The following DCAF4 variants were observed in gnomAD, a reference collection of about 807,000 sequenced individuals.
The protein encoded by DCAF4 is DDB1 and CUL4 associated factor 4.
Under a neutral mutation model 60.9 loss-of-function variants are expected in DCAF4, and 37 were observed. The observed-to-expected ratio is 0.61, with a 90% CI of 0.47 to 0.80. The LOEUF is 0.80. Among genes scored for constraint, DCAF4 ranks in the 30% least tolerant of loss-of-function variants. The probability of loss-of-function intolerance (pLI) is 0.00; values close to 1 mark genes in which losing one functional copy is unlikely to be tolerated. For missense variants in DCAF4, 577 were observed against 650.0 expected (o/e 0.89, Z 1.22); for synonymous variants, 243 against 254.8 (o/e 0.95, Z 0.44).
intron 11 of DCAF4, among the ~76,000 whole-genome samples, chr14:72,955,253 C>T (rs1016791863): frequency 4.6e-5 from 7 of 151,984 alleles, no homozygotes; most frequent in African/African-American, 1.7e-4. Context: ...GAGAGAAAGG[C>T]CAAACGGGAC....
chr14:72,932,448 T>C (rs1434461458), intron 1 of DCAF4, among the ~76,000 whole-genome samples: 1 of 152,254 alleles, frequency 6.6e-6, no homozygotes, highest in Non-Finnish European at 1.5e-5. Flanking sequence ...AGTTACTTGA[T>C]AAATATTTTC....
At chr14:72,960,660 A>G, downstream of DCAF4, 1 of 1,065,104 alleles carries the variant, frequency 9.4e-7, no homozygotes, top group Non-Finnish European at 1.2e-6. Flanking sequence ...TCTTCAGGAA[A>G]GGACAGAGAT....
chr14:72,956,775 C>G, intron 13 of DCAF4: 1 of 391,078 alleles, frequency 2.6e-6, no homozygotes. Context: ...CCTGGGGAGC[C>G]TGGGTTTGGA....
At chr14:72,946,191 G>A (rs1262024683) in intron 7 of DCAF4, among the ~76,000 whole-genome samples, 164 bp downstream of exon 7, 1 of 150,892 alleles carries the variant, frequency 6.6e-6, no homozygotes, top group Non-Finnish European at 1.5e-5. Flanking sequence ...AGACCAACCT[G>A]GGCAGCATAA....
intron 8 of DCAF4, among the ~76,000 whole-genome samples, chr14:72,947,532 C>T (rs115326200): frequency 8.1e-4 from 124 of 152,304 alleles, no homozygotes; most frequent in African/African-American, 2.9e-3. Context: ...GCCACTGTGG[C>T]GTGTGACGGG....
At chr14:72,936,758 G>C (rs1424523920) in intron 1 of DCAF4, among the ~76,000 whole-genome samples, 1 of 152,166 alleles carries the variant, frequency 6.6e-6, no homozygotes, top group Non-Finnish European at 1.5e-5. Context: ...CGATATTAGG[G>C]TTGGAGCTGC....
At chr14:72,941,699 CAAAT>C (rs770022420) in intron 4 of DCAF4, 42 bp from the exon 5 acceptor site, 3 of 1,572,486 alleles carry the variant, frequency 1.9e-6, no homozygotes, top group South Asian at 1.1e-5. Flanking sequence ...CATCCCCTAA[CAAAT>C]AAATCTTCAT....
chr14:72,947,176 T>TG lies in DCAF4; in HGVS notation c.715dup (p.Asp239GlyfsTer29). The TG allele has an allele frequency of 1.2e-6, 2 of 1,614,100 alleles. No homozygotes were observed. On this transcript the variant is annotated frameshift_variant, in exon 8 of 14. Coordinates refer to ENST00000358377, the MANE Select transcript of DCAF4 (RefSeq NM_015604.4). LOFTEE classifies it high-confidence loss of function. ...GTGTGCTGGGCCTCGCTGAATCACT[T>TG]GGATTCCCACATTCTGTATCCTTTG...
rs75711974 is a variant in DCAF4, at chr14:72,929,216, G to T, written c.-9+2673G>T. ...AAGCAGGAAAGAGCCTGTAATTCCG[G>T]AAGCTGCGGGCTCCCAAACCAGACA... On this transcript the variant is annotated intron_variant, in intron 1 of 13. Transcript: ENST00000358377. 7.2e-3 allele frequency among the ~76,000 whole-genome samples: 1,094 copies of T among 152,306 alleles called. 17 individuals are homozygous for T. The highest frequency in any genetic ancestry group is 0.025 in the African/African-American group (1,049 of 41,566).
intron 13 of DCAF4, chr14:72,957,334 T>C (rs1475287957): frequency 1.3e-5 from 2 of 152,234 alleles, no homozygotes; most frequent in Non-Finnish European, 2.9e-5. Flanking sequence ...TACCAGTTGA[T>C]TACAGATGAT....
chr14:72,931,247 C>T lies in DCAF4; in HGVS notation c.-9+4704C>T, dbSNP rs1369116089. 2.7e-5 allele frequency among the ~76,000 whole-genome samples: 4 copies of T among 146,154 alleles called. No individual in the cohort carries two copies. In the South Asian group the frequency reaches 6.4e-4, roughly 24 times the overall value. On this transcript the variant is annotated intron_variant, in intron 1 of 13. Coordinates refer to ENST00000358377, the MANE Select transcript of DCAF4 (RefSeq NM_015604.4). ...ATATATTAATTTTGTTAAATATATTCCTAAGTACTTTTTCTCTTTTTTTTT... is the reference window on the plus strand; with the variant it reads ...ATATATTAATTTTGTTAAATATATTTCTAAGTACTTTTTCTCTTTTTTTTT...
At chr14:72,934,620 T>G (rs966185476) in intron 1 of DCAF4, among the ~76,000 whole-genome samples, 3 of 152,128 alleles carry the variant, frequency 2.0e-5, no homozygotes, top group Non-Finnish European at 4.4e-5. Flanking sequence ...CAGACTGCAC[T>G]TATCTCCCTC....
downstream of DCAF4, among the ~76,000 whole-genome samples, chr14:72,960,078 C>T (rs2140328948): frequency 6.6e-6 from 1 of 152,236 alleles, no homozygotes; most frequent in South Asian, 2.1e-4. Context: ...GAATGCCTCA[C>T]TAGGTAGACT....
chr14:72,945,491 A>T (rs55793750), intron 6 of DCAF4, among the ~76,000 whole-genome samples: 11,590 of 149,144 alleles, frequency 0.078, 632 homozygotes, highest in South Asian at 0.2. Context: ...AAAAAAAAAT[A>T]GTGCCTATGT....
At chr14:72,950,741 T>C (rs1594785317) in intron 8 of DCAF4, among the ~76,000 whole-genome samples, 2 of 152,168 alleles carry the variant, frequency 1.3e-5, no homozygotes. Flanking sequence ...TATCACCTGG[T>C]ACCCATTCAG....
At position 72,958,743 on chromosome 14, in the gene DCAF4, C is replaced by T. The variant is rs374265385; in HGVS notation, c.1426C>T (p.Arg476Trp). 22 of 1,609,544 alleles carry T rather than the reference C, an allele frequency of 1.4e-5. No individual in the cohort carries two copies. The highest frequency in any genetic ancestry group is 1.3e-4 in the African/African-American group (10 of 74,832). ...VAFSSRLGGS[R>W]GAPGLLMAVG... The stretch of plus-strand genomic sequence containing the variant: ...CTTCTCGTCGCGGCTGGGGGGCTCC[C>T]GGGGCGCGCCGGGGCTGCTCATGGC... The change falls in exon 14 of 14, where the codon CGG becomes TGG. Residue 476 changes from arginine to tryptophan, a missense_variant. Transcript: ENST00000358377.
At chr14:72,937,940 A>G in intron 1 of DCAF4, 31 bp from the exon 2 acceptor site, 1 of 1,563,094 alleles carries the variant, frequency 6.4e-7, no homozygotes, top group Non-Finnish European at 8.6e-7. Flanking sequence ...ACACACAGAG[A>G]TGTATGGATT....
At chr14:72,959,879 GCAGTAGAACA>G (rs1892731056), downstream of DCAF4, among the ~76,000 whole-genome samples, 1 of 152,200 alleles carries the variant, frequency 6.6e-6, no homozygotes, top group South Asian at 2.1e-4. Context: ...GTGGGAAGCA[GCAGTAGAACA>G]CAGAGGGCAA....
chr14:72,960,375 C>G (rs1892769908), downstream of DCAF4, among the ~76,000 whole-genome samples: 1 of 152,080 alleles, frequency 6.6e-6, no homozygotes, highest in African/African-American at 2.4e-5. Context: ...GCCTCAAACT[C>G]CTGACCTCAG....
Sources: gnomAD v4.1 joint callset for allele counts (sites outside exome capture counted in the v4.1 genomes callset) on GRCh38, gnomAD v4.1.1 for gene constraint, MANE v1.5 for transcripts, NCBI Gene and HGNC (gene_info 2026-07-23, HGNC 2026-07-21) for gene names.